Variants in YWHAE observed in about 807,000 individuals in gnomAD.
YWHAE encodes the protein 14-3-3 protein epsilon.
A neutral mutation model predicts 30.1 loss-of-function variants in YWHAE; 4 were observed. That is an observed-to-expected ratio of 0.13 (90% CI 0.07 to 0.30). YWHAE has a LOEUF of 0.30. Ranked by LOEUF, YWHAE falls within the 10% of genes least tolerant of loss-of-function variation. The probability of loss-of-function intolerance (pLI) is 1.00; values close to 1 mark genes in which losing one functional copy is unlikely to be tolerated. For synonymous variants in YWHAE, 118 were observed against 111.8 expected (o/e 1.06, Z -0.35); for missense variants, 121 against 315.9 (o/e 0.38, Z 4.68).
rs142800511 is a variant in YWHAE, at chr17:1,351,114, G to A, written c.715+3097C>T. On this transcript the variant is annotated intron_variant, in intron 5 of 5. Transcript: ENST00000264335. The stretch of plus-strand genomic sequence containing the variant: ...GGTGGCTCACACCTGTAATCCCAGC[G>A]CTTTGGGAGGCCGAGATGGGCAGAT... Among the ~76,000 whole-genome samples the A allele has an allele frequency of 5.1e-4, 76 of 149,750 alleles. 1 individual carries two copies. Among genetic ancestry groups the A allele is most frequent in the African/African-American group, 1.8e-3 (74 of 40,710 alleles).
chr17:1,399,797 C>T, intron 1 of YWHAE: 1 of 298,270 alleles, frequency 3.4e-6, no homozygotes. Flanking sequence ...TTACAACCAA[C>T]TCCTCCACCC....
intron 1 of YWHAE, among the ~76,000 whole-genome samples, chr17:1,378,210 A>C (rs1265635300): frequency 6.6e-6 from 1 of 152,228 alleles, no homozygotes; most frequent in African/African-American, 2.4e-5. Flanking sequence ...TACATGTGAG[A>C]AGCAGTCTTC....
chr17:1,394,436 C>CAAAAAAAAAAAAAAAAAAAAAAAAA (rs544115909), intron 1 of YWHAE, among the ~76,000 whole-genome samples: 14 of 58,546 alleles, frequency 2.4e-4, no homozygotes, highest in African/African-American at 1.2e-3. Flanking sequence ...CTCAAATCCA[C>CAAAAAAAAAAAAAAAAAAAAAAAAA]AAAAAAAAAA....
intron 1 of YWHAE, among the ~76,000 whole-genome samples, chr17:1,379,277 G>A (rs2073170444): frequency 6.6e-6 from 1 of 151,814 alleles, no homozygotes. Flanking sequence ...TTGAGCTGAG[G>A]AGTCTAAGCC....
intron 1 of YWHAE, among the ~76,000 whole-genome samples, chr17:1,394,059 G>C (rs2150879167): frequency 6.6e-6 from 1 of 152,152 alleles, no homozygotes; most frequent in East Asian, 1.9e-4. Context: ...CCCCTGAAAG[G>C]CACCACCTTA....
chr17:1,391,646 G>A (rs971106400), intron 1 of YWHAE, among the ~76,000 whole-genome samples: 2 of 152,120 alleles, frequency 1.3e-5, no homozygotes, highest in Non-Finnish European at 2.9e-5. Flanking sequence ...GGTTCTGTTG[G>A]CAACCAATTC....
chr17:1,368,170 T>C (rs1399431976), intron 1 of YWHAE, among the ~76,000 whole-genome samples: 1 of 152,128 alleles, frequency 6.6e-6, no homozygotes, highest in Non-Finnish European at 1.5e-5. Context: ...GCAGATCACC[T>C]GAGGTCGGGA....
intron 1 of YWHAE, chr17:1,398,736 G>C (rs1422066449): frequency 1.3e-5 from 2 of 152,098 alleles, no homozygotes; most frequent in Non-Finnish European, 2.9e-5. Flanking sequence ...GGTCCAAAAG[G>C]TGGACTGGGA....
intron 1 of YWHAE, among the ~76,000 whole-genome samples, chr17:1,376,652 C>T (rs572427083): frequency 2.0e-5 from 3 of 152,232 alleles, no homozygotes; most frequent in African/African-American, 7.2e-5. Flanking sequence ...CCCAGTAAAC[C>T]TGATTTTCCC....
At chr17:1,360,617 T>A (rs577099454) in intron 4 of YWHAE, among the ~76,000 whole-genome samples, 2 of 151,136 alleles carry the variant, frequency 1.3e-5, no homozygotes, top group East Asian at 3.9e-4. Flanking sequence ...ACAAAAAAAA[T>A]TAGTTGGGCA....
At chr17:1,355,009 TATG>T (rs1254779162) in intron 4 of YWHAE, among the ~76,000 whole-genome samples, 1 of 126,580 alleles carries the variant, frequency 7.9e-6, no homozygotes, top group Non-Finnish European at 1.6e-5. Flanking sequence ...AGGGATTCGT[TATG>T]TTGCCCAGGC....
At chr17:1,365,979 C>T (rs569158274) in intron 1 of YWHAE, among the ~76,000 whole-genome samples, 1,234 of 65,506 alleles carry the variant, frequency 0.019, 10 homozygotes, top group Non-Finnish European at 0.02. Context: ...AGCACTTTGG[C>T]AGGCCGAGGT....
intron 4 of YWHAE, among the ~76,000 whole-genome samples, chr17:1,355,689 C>T (rs984612208): frequency 3.3e-5 from 5 of 152,046 alleles, no homozygotes; most frequent in Non-Finnish European, 7.4e-5. Context: ...TAATCTAAGT[C>T]CACATCAACT....
chr17:1,394,949 A>T (rs138859742), intron 1 of YWHAE, among the ~76,000 whole-genome samples: 1 of 152,328 alleles, frequency 6.6e-6, no homozygotes, highest in Non-Finnish European at 1.5e-5. Flanking sequence ...CCTAGGTGAC[A>T]GAGCAAGACT....
intron 5 of YWHAE, among the ~76,000 whole-genome samples, chr17:1,350,057 A>T (rs2072599269): frequency 1.3e-5 from 2 of 151,068 alleles, no homozygotes; most frequent in African/African-American, 4.9e-5. Context: ...GGTTCAAGCG[A>T]TTCTCCTGCC....
At chr17:1,370,638 T>G (rs2073026232) in intron 1 of YWHAE, among the ~76,000 whole-genome samples, 1 of 151,990 alleles carries the variant, frequency 6.6e-6, no homozygotes, top group African/African-American at 2.4e-5. Flanking sequence ...AGCATGTTGG[T>G]GAGGCTGGTC....
intron 1 of YWHAE, among the ~76,000 whole-genome samples, chr17:1,376,418 G>A (rs533138884): frequency 6.6e-6 from 1 of 152,158 alleles, no homozygotes; most frequent in East Asian, 1.9e-4. Flanking sequence ...GAAAAGAAAA[G>A]AAGGAAAGAA....
chr17:1,374,104 G>A (rs539946559), intron 1 of YWHAE, among the ~76,000 whole-genome samples: 2 of 152,234 alleles, frequency 1.3e-5, no homozygotes, highest in East Asian at 1.9e-4. Flanking sequence ...CTGAGGTCAG[G>A]AGTTCAGACC....
intron 1 of YWHAE, among the ~76,000 whole-genome samples, chr17:1,395,101 A>G (rs1039367865): frequency 6.6e-6 from 1 of 151,914 alleles, no homozygotes; most frequent in Non-Finnish European, 1.5e-5. Context: ...ATGAAAAAAA[A>G]AAACAATCAG....
Sources: allele counts gnomAD v4.1 joint callset (sites outside exome capture counted in the v4.1 genomes callset), GRCh38; gene constraint gnomAD v4.1.1; transcripts MANE v1.5; gene names NCBI Gene and HGNC (gene_info 2026-07-23, HGNC 2026-07-21).